CNTN5: variants seen among roughly 807,000 people sequenced by gnomAD.
The protein encoded by CNTN5 is contactin 5.
Under a neutral mutation model 129.1 loss-of-function variants are expected in CNTN5, and 77 were observed. The ratio of observed to expected loss-of-function variants is 0.60; its 90% CI spans 0.50 to 0.72. The LOEUF is 0.72. Among genes scored for constraint, CNTN5 ranks in the 30% least tolerant of loss-of-function variants. The pLI, the probability that CNTN5 is intolerant of heterozygous loss-of-function variation, is 0.00. For synonymous variants in CNTN5, 509 were observed against 465.6 expected (o/e 1.09, Z -1.20); for missense variants, 1,478 against 1,328.8 (o/e 1.11, Z -1.75).
intron 7 of CNTN5, among the ~76,000 whole-genome samples, chr11:99,925,328 A>T (rs920748363): frequency 1.3e-5 from 2 of 152,336 alleles, no homozygotes; most frequent in Middle Eastern, 3.4e-3. Context: ...TCTGCATATA[A>T]GCTTTAAGCC....
chr11:99,541,981 A>G (rs150120450), intron 2 of CNTN5, among the ~76,000 whole-genome samples: 1 of 118,132 alleles, frequency 8.5e-6, no homozygotes, highest in East Asian at 2.1e-4. Flanking sequence ...AAAAAAAAAG[A>G]AAAGAAAAGA....
intron 20 of CNTN5, among the ~76,000 whole-genome samples, chr11:100,306,740 TAGA>T (rs1281314056): frequency 6.6e-6 from 1 of 151,594 alleles, no homozygotes; most frequent in African/African-American, 2.4e-5. Flanking sequence ...TAGAATAAGA[TAGA>T]AGATTTTTCC....
In CNTN5 at chr11:99,736,390, A is replaced by C. The variant is rs79276052; in HGVS notation, c.56-83154A>C. The stretch of plus-strand genomic sequence containing the variant: ...CCTGGGGCAATGAGGGCTGGTGTAG[A>C]GGAGCCCAGAATGTAAGGGTCTGAT... On this transcript the variant is annotated intron_variant, in intron 3 of 24. Transcript: ENST00000524871. Among the ~76,000 whole-genome samples, 373 of 152,284 alleles carry C rather than the reference A, an allele frequency of 2.4e-3. 1 individual carries two copies. The highest frequency in any genetic ancestry group is 3.6e-3 in the Non-Finnish European group (247 of 68,036).
At chr11:99,325,060 G>A (rs756919987) in intron 1 of CNTN5, among the ~76,000 whole-genome samples, 5 of 152,026 alleles carry the variant, frequency 3.3e-5, no homozygotes, top group Non-Finnish European at 7.4e-5. Context: ...GTATAAGTTA[G>A]TGTGTTAAAT....
intron 2 of CNTN5, among the ~76,000 whole-genome samples, chr11:99,408,983 G>C (rs1433908208): frequency 6.6e-6 from 1 of 152,132 alleles, no homozygotes; most frequent in East Asian, 1.9e-4. Context: ...AACATCATTT[G>C]TGATTTTCAA....
chr11:99,377,775 A>G (rs1374834960), intron 2 of CNTN5, among the ~76,000 whole-genome samples: 1 of 137,466 alleles, frequency 7.3e-6, no homozygotes, highest in Non-Finnish European at 1.6e-5. Context: ...AGAGATGTAC[A>G]GATTAGTTCC....
intron 1 of CNTN5, among the ~76,000 whole-genome samples, chr11:99,042,365 CT>C (rs1210153589): frequency 0.014 from 1,170 of 83,796 alleles, 4 homozygotes; most frequent in African/African-American, 0.048. Flanking sequence ...TCTTCTTCTT[CT>C]TTTTTTTTTT....
intron 7 of CNTN5, among the ~76,000 whole-genome samples, chr11:99,941,305 A>G (rs1380524121): frequency 6.6e-6 from 1 of 152,122 alleles, no homozygotes; most frequent in Non-Finnish European, 1.5e-5. Context: ...TATTTTATTT[A>G]TCATCTTATA....
intron 8 of CNTN5, among the ~76,000 whole-genome samples, chr11:99,993,585 A>G (rs1005021289): frequency 1.3e-5 from 2 of 152,104 alleles, no homozygotes; most frequent in African/African-American, 2.4e-5. Context: ...ACAGTTCACA[A>G]CAGGGTGCAA....
chr11:100,048,792 T>C (rs1942814900), intron 9 of CNTN5, among the ~76,000 whole-genome samples: 1 of 152,020 alleles, frequency 6.6e-6, no homozygotes, highest in South Asian at 2.1e-4. Context: ...AGTATAAAAA[T>C]ATATTATCTG....
At chr11:99,844,635 C>G in intron 4 of CNTN5, 1 of 529,438 alleles carries the variant, frequency 1.9e-6, no homozygotes, top group Non-Finnish European at 3.3e-6. Context: ...ATGTATTACA[C>G]GTTTAACAGC....
intron 2 of CNTN5, among the ~76,000 whole-genome samples, chr11:99,446,640 A>G (rs1397078096): frequency 6.6e-6 from 1 of 152,216 alleles, no homozygotes; most frequent in Non-Finnish European, 1.5e-5. Context: ...GTGCATTTGA[A>G]AAGTGATTTA....
At chr11:100,023,347 A>G (rs1941261057) in intron 9 of CNTN5, among the ~76,000 whole-genome samples, 1 of 152,160 alleles carries the variant, frequency 6.6e-6, no homozygotes, top group Non-Finnish European at 1.5e-5. Context: ...TTTAAAAAGA[A>G]CTTTATTGTT....
At chr11:99,705,224 C>T (rs1472650905) in intron 3 of CNTN5, among the ~76,000 whole-genome samples, 1 of 151,312 alleles carries the variant, frequency 6.6e-6, no homozygotes, top group African/African-American at 2.4e-5. Flanking sequence ...TAAAACAGTA[C>T]TCCCTTTATA....
chr11:99,997,275 G>T (rs190356644), intron 8 of CNTN5, among the ~76,000 whole-genome samples: 2 of 152,020 alleles, frequency 1.3e-5, no homozygotes, highest in Non-Finnish European at 2.9e-5. Context: ...CTTGCCTTCT[G>T]CTAGCTTTTG....
chr11:99,113,224 C>T (rs1857884818), intron 1 of CNTN5, among the ~76,000 whole-genome samples: 1 of 151,902 alleles, frequency 6.6e-6, no homozygotes, highest in African/African-American at 2.4e-5. Context: ...CATTATATTC[C>T]CTCTTTGATG....
chr11:100,094,747 A>AGGAG lies in CNTN5; in HGVS notation c.1580+20467_1580+20470dup, dbSNP rs1243925162. On this transcript the variant is annotated intron_variant, in intron 13 of 24. Coordinates refer to ENST00000524871, the MANE Select transcript of CNTN5 (RefSeq NM_014361.4). ...GAAAGAGAGAGACAGGGAAAGAAGA[A>AGGAG]GGAGGGAGGGAGGGAGGAAAGGAAG... Among the ~76,000 whole-genome samples, 57 of 141,886 alleles carry AGGAG rather than the reference A, an allele frequency of 4.0e-4. 2 individuals carry two copies. Among genetic ancestry groups the AGGAG allele is most frequent in the Middle Eastern group, 3.7e-3 (1 of 268 alleles). 93.1% of individuals were successfully genotyped at this position (141,886 alleles called of 152,430 possible).
At chr11:99,571,367 T>C (rs1949169231) in intron 3 of CNTN5, among the ~76,000 whole-genome samples, 1 of 152,186 alleles carries the variant, frequency 6.6e-6, no homozygotes, top group Admixed American at 6.5e-5. Flanking sequence ...TAGATCTGTA[T>C]TGCTGTCATG....
intron 1 of CNTN5, among the ~76,000 whole-genome samples, chr11:99,323,805 T>C (rs887183701): frequency 6.6e-6 from 1 of 152,102 alleles, no homozygotes; most frequent in African/African-American, 2.4e-5. Flanking sequence ...AGTTTTTAAT[T>C]TTGTGCAAGA....
Sources: allele counts gnomAD v4.1 joint callset (sites outside exome capture counted in the v4.1 genomes callset), GRCh38; gene constraint gnomAD v4.1.1; transcripts MANE v1.5; gene names NCBI Gene and HGNC (gene_info 2026-07-23, HGNC 2026-07-21).